The following MAGI2 variants were observed in gnomAD, a reference collection of about 807,000 sequenced individuals.
MAGI2 encodes the protein membrane-associated guanylate kinase, WW and PDZ domain-containing protein 2.
In MAGI2, 35 loss-of-function variants were observed where a neutral mutation model predicts 133.3. The ratio of observed to expected loss-of-function variants is 0.26; its 90% CI spans 0.20 to 0.35. MAGI2 has a LOEUF of 0.35. Among genes scored for constraint, MAGI2 ranks in the 10% least tolerant of loss-of-function variants. The pLI, the probability that MAGI2 is intolerant of heterozygous loss-of-function variation, is 1.00. For missense variants in MAGI2, 1,636 were observed against 1,863.4 expected (o/e 0.88, Z 2.25); for synonymous variants, 729 against 710.6 (o/e 1.03, Z -0.41).
At chr7:78,769,377 G>T (rs149560454) in intron 2 of MAGI2, among the ~76,000 whole-genome samples, 45 of 152,064 alleles carry the variant, frequency 3.0e-4, no homozygotes, top group African/African-American at 1.0e-3. Context: ...AAGTGCTTTA[G>T]ATCACGTCCG....
intron 1 of MAGI2, among the ~76,000 whole-genome samples, chr7:79,091,946 G>A (rs1414703273): frequency 2.0e-5 from 3 of 151,970 alleles, no homozygotes; most frequent in East Asian, 2.0e-4. Flanking sequence ...TTTGACTCAT[G>A]GACCATAGTT....
intron 1 of MAGI2, among the ~76,000 whole-genome samples, chr7:79,364,231 G>A (rs1346161402): frequency 2.6e-5 from 4 of 151,826 alleles, no homozygotes; most frequent in African/African-American, 4.8e-5. Flanking sequence ...TCCAGTAAAC[G>A]CACTATAGGT....
chr7:78,281,445 C>T (rs748038392), intron 9 of MAGI2, among the ~76,000 whole-genome samples: 5 of 146,514 alleles, frequency 3.4e-5, no homozygotes, highest in Non-Finnish European at 1.5e-5. Context: ...CTTCACTGAG[C>T]ACCTCTCCTT....
At chr7:78,438,024 T>C (rs1003162886) in intron 6 of MAGI2, among the ~76,000 whole-genome samples, 5 of 152,170 alleles carry the variant, frequency 3.3e-5, no homozygotes, top group South Asian at 2.1e-4. Context: ...TTAGTTGTTG[T>C]TTATGTCACA....
intron 9 of MAGI2, among the ~76,000 whole-genome samples, chr7:78,260,097 A>T (rs1793373390): frequency 6.6e-6 from 1 of 152,164 alleles, no homozygotes; most frequent in South Asian, 2.1e-4. Context: ...ACTATATAAC[A>T]ACTTGATGGT....
intron 1 of MAGI2, among the ~76,000 whole-genome samples, chr7:79,289,526 A>C (rs1158272407): frequency 1.3e-5 from 2 of 152,186 alleles, no homozygotes. Flanking sequence ...TCTCTGATGG[A>C]CTATTATTGA....
rs376347044 is a variant in MAGI2 at position 78,817,772 on chromosome 7, C to T, written c.418+189318G>A. Among the ~76,000 whole-genome samples the T allele has an allele frequency of 4.6e-5, 7 of 150,730 alleles. No individual in the cohort carries two copies. In the East Asian group the frequency reaches 5.9e-4, roughly 13 times the overall value. ...TAGCCCAGGTTGGAGTGCTGTGGTG[C>T]GATCTTGGCTTACTGCAACCTCTGC... On this transcript the variant is annotated intron_variant, in intron 2 of 21. Coordinates refer to ENST00000354212, the MANE Select transcript of MAGI2 (RefSeq NM_012301.4).
chr7:78,810,368 G>A (rs183818344), intron 2 of MAGI2, among the ~76,000 whole-genome samples: 7 of 152,024 alleles, frequency 4.6e-5, no homozygotes, highest in Non-Finnish European at 8.8e-5. Flanking sequence ...CAATACCTAT[G>A]TATTAGGTTA....
chr7:78,757,505 T>C (rs1824074751), intron 2 of MAGI2, among the ~76,000 whole-genome samples: 1 of 152,156 alleles, frequency 6.6e-6, no homozygotes, highest in African/African-American at 2.4e-5. Flanking sequence ...TAAAGCAAAA[T>C]AAAACTTAAA....
intron 6 of MAGI2, among the ~76,000 whole-genome samples, chr7:78,413,386 A>C (rs1798027087): frequency 1.3e-5 from 2 of 152,136 alleles, no homozygotes; most frequent in African/African-American, 4.8e-5. Flanking sequence ...ATTTGCATTT[A>C]GAACATGATG....
chr7:79,033,958 T>A (rs1357458368), intron 1 of MAGI2, among the ~76,000 whole-genome samples: 1 of 151,868 alleles, frequency 6.6e-6, no homozygotes, highest in Non-Finnish European at 1.5e-5. Context: ...ATTTTGTATT[T>A]AAAAAAAATG....
At chr7:78,806,410 A>T (rs1022248015) in intron 2 of MAGI2, among the ~76,000 whole-genome samples, 1 of 152,186 alleles carries the variant, frequency 6.6e-6, no homozygotes, top group Non-Finnish European at 1.5e-5. Flanking sequence ...TAACATCATT[A>T]TCATCATTAT....
At chr7:78,322,482 C>CCAT (rs1375288729) in intron 9 of MAGI2, among the ~76,000 whole-genome samples, 1 of 152,126 alleles carries the variant, frequency 6.6e-6, no homozygotes, top group East Asian at 1.9e-4. Context: ...AAGCTGAAAA[C>CCAT]CATCGTTCTC....
chr7:79,200,977 G>T (rs763737962), intron 1 of MAGI2, among the ~76,000 whole-genome samples: 6 of 151,958 alleles, frequency 3.9e-5, no homozygotes, highest in African/African-American at 4.8e-5. Flanking sequence ...TTTCTGTAGG[G>T]CCTAAAATGT....
chr7:79,093,789 A>T (rs1202093183), intron 1 of MAGI2, among the ~76,000 whole-genome samples: 3 of 143,478 alleles, frequency 2.1e-5, no homozygotes, highest in Non-Finnish European at 4.5e-5. Context: ...GTCTCAGCTC[A>T]CTGCAACCTC....
In MAGI2 at chr7:78,111,420, C is replaced by T. The variant is rs1819348577; in HGVS notation, c.3567+14274G>A. On this transcript the variant is annotated intron_variant, in intron 20 of 21. Transcript: ENST00000354212. ...GCAATCTCAGCCCTTTGATTCCTTA[C>T]CAAACCTTTAACTAGCCCTCATGGG... Among the ~76,000 whole-genome samples the T allele has an allele frequency of 2.0e-5, 3 of 152,208 alleles. No individual in the cohort carries two copies. The South Asian group carries it at 6.2e-4, about 32-fold the overall frequency.
intron 2 of MAGI2, among the ~76,000 whole-genome samples, chr7:78,658,182 G>C (rs1812515096): frequency 6.6e-6 from 1 of 152,080 alleles, no homozygotes; most frequent in Admixed American, 6.6e-5. Flanking sequence ...ACAAAAATAT[G>C]TCCAATAAAT....
chr7:78,770,940 A>G (rs1825525953), intron 2 of MAGI2: 1 of 152,190 alleles, frequency 6.6e-6, no homozygotes, highest in Admixed American at 6.5e-5. Context: ...AACCACCTGT[A>G]CTGATCCAAC....
intron 5 of MAGI2, among the ~76,000 whole-genome samples, chr7:78,499,886 G>A (rs1162450884): frequency 6.6e-6 from 1 of 152,078 alleles, no homozygotes. Flanking sequence ...ATGTCATGCT[G>A]TCTTTACCAA....
Sources: gnomAD v4.1 joint callset for allele counts (sites outside exome capture counted in the v4.1 genomes callset) on GRCh38, gnomAD v4.1.1 for gene constraint, MANE v1.5 for transcripts, NCBI Gene and HGNC (gene_info 2026-07-23, HGNC 2026-07-21) for gene names.